The following CNGB3 variants were observed in gnomAD, a reference collection of about 807,000 sequenced individuals.
The protein encoded by CNGB3 is cyclic nucleotide-gated channel beta-3.
In CNGB3, 86 loss-of-function variants were observed where a neutral mutation model predicts 92.8. The observed-to-expected ratio is 0.93, with a 90% CI of 0.78 to 1.11. The LOEUF is 1.11. Ranked by LOEUF, CNGB3 falls within the 50% of genes least tolerant of loss-of-function variation. CNGB3 has a pLI of 0.00. For missense variants in CNGB3, 1,026 were observed against 956.8 expected (o/e 1.07, Z -0.95); for synonymous variants, 333 against 332.7 (o/e 1.00, Z -0.01).
chr8:86,719,095 C>A (rs1220573503), intron 3 of CNGB3, among the ~76,000 whole-genome samples: 1 of 151,554 alleles, frequency 6.6e-6, no homozygotes, highest in East Asian at 1.9e-4. Context: ...AAAGCATTCC[C>A]CTTGAGAAGT....
At position 86,698,248 on chromosome 8, in the gene CNGB3, C is replaced by T. The variant is rs1176605798; in HGVS notation, c.339-27150G>A. 3.3e-5 allele frequency among the ~76,000 whole-genome samples: 5 copies of T among 152,124 alleles called. No homozygotes were observed. In the East Asian group the frequency reaches 7.7e-4, roughly 23 times the overall value. On this transcript the variant is annotated intron_variant, in intron 3 of 17. Transcript: ENST00000320005. ...AGTAAATGAAGATTCTTCTAAATGT[C>T]ATTTGTTATTTAGATAGTCTTTGAA...
chr8:86,655,762 A>G (rs1245245701), intron 6 of CNGB3, among the ~76,000 whole-genome samples: 1 of 152,214 alleles, frequency 6.6e-6, no homozygotes, highest in Non-Finnish European at 1.5e-5. Flanking sequence ...TAGGTGTTCA[A>G]TAAATGTGTG....
At chr8:86,716,763 A>G (rs2131663640) in intron 3 of CNGB3, among the ~76,000 whole-genome samples, 1 of 152,214 alleles carries the variant, frequency 6.6e-6, no homozygotes, top group South Asian at 2.1e-4. Context: ...CCAAAATAGA[A>G]CCTCCTTAAA....
rs896765240 is a variant in CNGB3 at position 86,685,055 on chromosome 8, T to C, written c.339-13957A>G. On this transcript the variant is annotated intron_variant, in intron 3 of 17. Transcript: ENST00000320005. ...TTGTCAACATCCTGGTTGTGAATTA[T>C]CATTTTCAATATCCTGGTTGTGAGA... Among the ~76,000 whole-genome samples, 6 of 152,158 alleles carry C rather than the reference T, an allele frequency of 3.9e-5. No individual in the cohort carries two copies. The South Asian group carries it at 1.0e-3, about 26-fold the overall frequency.
intron 15 of CNGB3, among the ~76,000 whole-genome samples, chr8:86,596,300 A>AT (rs375505339): frequency 2.0e-5 from 3 of 152,286 alleles, no homozygotes; most frequent in African/African-American, 7.2e-5. Context: ...AATTGGTTCA[A>AT]TTTTTTTCTG....
At chr8:86,648,066 C>A (rs924751260) in intron 7 of CNGB3, among the ~76,000 whole-genome samples, 179 bp from the exon 8 acceptor site, 8 of 151,146 alleles carry the variant, frequency 5.3e-5, no homozygotes, top group African/African-American at 1.9e-4. Flanking sequence ...ACCATGAAAA[C>A]TATTTTGTAG....
At chr8:86,580,281 G>T (rs1272222802) in intron 15 of CNGB3, among the ~76,000 whole-genome samples, 2 of 152,134 alleles carry the variant, frequency 1.3e-5, no homozygotes, top group Non-Finnish European at 2.9e-5. Context: ...TTTGAGAAAA[G>T]ATTTGGGTGG....
chr8:86,614,259 T>C (rs1218827043), intron 13 of CNGB3, among the ~76,000 whole-genome samples: 1 of 152,060 alleles, frequency 6.6e-6, no homozygotes, highest in Non-Finnish European at 1.5e-5. Context: ...CTGGATGCAA[T>C]TGACTAGAAT....
intron 14 of CNGB3, among the ~76,000 whole-genome samples, chr8:86,605,830 T>C (rs1822401843): frequency 6.6e-6 from 1 of 152,206 alleles, no homozygotes; most frequent in Non-Finnish European, 1.5e-5. Context: ...GAACATCAAC[T>C]ATTGTTGCTT....
chr8:86,630,417 A>T (rs1163079044), intron 11 of CNGB3, among the ~76,000 whole-genome samples: 1 of 152,188 alleles, frequency 6.6e-6, no homozygotes. Context: ...GGTTTGTGTG[A>T]TATCCTTCAG....
chr8:86,677,030 G>A (rs1233660061), intron 3 of CNGB3, among the ~76,000 whole-genome samples: 2 of 152,192 alleles, frequency 1.3e-5, no homozygotes, highest in Non-Finnish European at 2.9e-5. Context: ...GACGCAAGGA[G>A]AATGCCATGT....
intron 3 of CNGB3, among the ~76,000 whole-genome samples, chr8:86,705,285 C>G (rs1294635285): frequency 6.6e-6 from 1 of 152,044 alleles, no homozygotes; most frequent in Non-Finnish European, 1.5e-5. Context: ...TTTGTTTGGT[C>G]CTTTACTGTG....
At chr8:86,668,279 T>A in intron 4 of CNGB3, 111 bp from the exon 5 acceptor site, 1 of 1,113,824 alleles carries the variant, frequency 9.0e-7, no homozygotes, top group Non-Finnish European at 1.3e-6. Context: ...AAGTGGGAGT[T>A]GAACAATGAG....
At chr8:86,652,818 TA>T (rs1193024099) in intron 7 of CNGB3, among the ~76,000 whole-genome samples, 2 of 152,076 alleles carry the variant, frequency 1.3e-5, no homozygotes, top group Non-Finnish European at 2.9e-5. Context: ...AATTAACTTT[TA>T]AAAAAATTCA....
At chr8:86,595,336 A>C (rs542720744) in intron 15 of CNGB3, among the ~76,000 whole-genome samples, 24 of 152,362 alleles carry the variant, frequency 1.6e-4, no homozygotes, top group African/African-American at 5.3e-4. Context: ...CTGCTCTTCC[A>C]AATGGTGGCA....
intron 2 of CNGB3, among the ~76,000 whole-genome samples, chr8:86,738,099 C>T (rs911121041): frequency 6.6e-6 from 1 of 152,114 alleles, no homozygotes; most frequent in African/African-American, 2.4e-5. Context: ...CGGACTTTGT[C>T]TAACAGATGA....
intron 3 of CNGB3, among the ~76,000 whole-genome samples, chr8:86,684,221 G>A (rs187537481): frequency 6.6e-6 from 1 of 152,286 alleles, no homozygotes; most frequent in African/African-American, 2.4e-5. Flanking sequence ...ATGATATGCA[G>A]ATGGCAAATA....
At chr8:86,690,950 T>C (rs934133087) in intron 3 of CNGB3, among the ~76,000 whole-genome samples, 1 of 152,216 alleles carries the variant, frequency 6.6e-6, no homozygotes, top group Non-Finnish European at 1.5e-5. Context: ...CATGCTGTTT[T>C]GGTTACTGTA....
At position 86,584,831 on chromosome 8, in the gene CNGB3, C is replaced by G. The variant is rs1821861605; in HGVS notation, c.1782-5579G>C. Among the ~76,000 whole-genome samples the G allele has an allele frequency of 2.6e-5, 4 of 152,150 alleles. No homozygotes were observed. The South Asian group carries it at 8.3e-4, about 32-fold the overall frequency. ...ATGACCTTAGACAATAACATAAAGA[C>G]TTTTTTGATTTCCACTCTAATCATG... is the stretch of plus-strand genomic sequence containing the variant. On this transcript the variant is annotated intron_variant, in intron 15 of 17. Transcript: ENST00000320005.
Sources: gnomAD v4.1 joint callset for allele counts (sites outside exome capture counted in the v4.1 genomes callset) on GRCh38, gnomAD v4.1.1 for gene constraint, MANE v1.5 for transcripts, NCBI Gene and HGNC (gene_info 2026-07-23, HGNC 2026-07-21) for gene names.